Variants in PDZK1IP1 observed in about 807,000 individuals in gnomAD.
PDZK1IP1 encodes the protein PDZK1 interacting protein 1, also known as PDZK1-interacting protein 1.
A neutral mutation model predicts 14.7 loss-of-function variants in PDZK1IP1; 9 were observed. The ratio of observed to expected loss-of-function variants is 0.61; its 90% confidence interval spans 0.37 to 1.07. The LOEUF (loss-of-function observed/expected upper bound fraction) is 1.07. Ranked by LOEUF, PDZK1IP1 falls within the 50% of genes least tolerant of loss-of-function variation. The pLI is 0.01. For synonymous variants in PDZK1IP1, 70 were observed against 61.2 expected (o/e 1.14, Z -0.67); for missense variants, 152 against 148.7 (o/e 1.02, Z -0.11).
At position 47,189,950 on chromosome 1, in the gene PDZK1IP1, G is replaced by T; in HGVS notation, c.-18C>A. The T allele has an allele frequency of 6.3e-7, 1 of 1,576,104 alleles. No individual in the cohort carries two copies. The highest frequency in any genetic ancestry group is 8.5e-7 in the Non-Finnish European group (1 of 1,170,146). ...GCCGACATGGCTGCAGCAGCTCCTA[G>T]CCTTGCTTCTGGCCGCCGGTGTCTG... On this transcript the variant is annotated 5_prime_UTR_variant, in exon 1 of 4. Coordinates refer to ENST00000294338, the MANE Select transcript of PDZK1IP1 (RefSeq NM_005764.4).
chr1:47,184,874 A>G (rs765743948), intron 3 of PDZK1IP1, 128 bp downstream of exon 3: 5 of 719,432 alleles, frequency 6.9e-6, no homozygotes, highest in Admixed American at 4.2e-5. Context: ...CAAAGCCCCC[A>G]TTGCCTCACT....
At chr1:47,188,350 A>T (rs1645332340) in intron 1 of PDZK1IP1, among the ~76,000 whole-genome samples, 1 of 151,982 alleles carries the variant, frequency 6.6e-6, no homozygotes, top group Non-Finnish European at 1.5e-5. Flanking sequence ...GTCCCTCAAG[A>T]TTTTCCTGAA....
Position 47,185,025 on chromosome 1 carries a change from G to T in PDZK1IP1, c.249C>A (p.Tyr83Ter). Reference sequence around the variant, plus strand: ...ACCTGAAACTGGCCGCCATCGAAGAGTACCTTCCATCTGTTCCCACCAGGA... The same window carrying T: ...ACCTGAAACTGGCCGCCATCGAAGATTACCTTCCATCTGTTCCCACCAGGA... ...DGVLVGTDGR[Y>*]SSMAASFRSS... The change falls in exon 3 of 4, where the codon TAC becomes TAA. Residue 83 changes from tyrosine to a stop codon, truncating the protein, a stop_gained. Coordinates refer to ENST00000294338, the MANE Select transcript of PDZK1IP1 (RefSeq NM_005764.4). LOFTEE classifies it high-confidence loss of function. 6.2e-7 allele frequency: 1 copy of T among 1,613,320 alleles called. No individual in the cohort carries two copies. The highest frequency in any genetic ancestry group is 8.5e-7 in the Non-Finnish European group (1 of 1,179,828).
chr1:47,183,592 C>G lies in PDZK1IP1; in HGVS notation c.*379G>C. The G allele has an allele frequency of 8.9e-6, 2 of 223,570 alleles. No homozygotes were observed. Among genetic ancestry groups the G allele is most frequent in the Admixed American group, 5.2e-5 (1 of 19,300 alleles). The allele number at this position is 223,570 out of a possible 1,614,324, so 13.8% of individuals were successfully genotyped here. On this transcript the variant is annotated 3_prime_UTR_variant, in exon 4 of 4. Transcript: ENST00000294338. ...ATTCAGAAAGCAAGATGGGGACTCACTGGAAGCCTGAGGGGCTGTTGCTGA... is the reference window on the plus strand; with the variant it reads ...ATTCAGAAAGCAAGATGGGGACTCAGTGGAAGCCTGAGGGGCTGTTGCTGA...
chr1:47,188,910 C>A (rs1217235103), intron 1 of PDZK1IP1, among the ~76,000 whole-genome samples: 1 of 152,222 alleles, frequency 6.6e-6, no homozygotes, highest in African/African-American at 2.4e-5. Flanking sequence ...GGAGGCCCCT[C>A]CCTGTTTCCT....
intron 3 of PDZK1IP1, among the ~76,000 whole-genome samples, chr1:47,184,382 AT>A (rs66681495): frequency 0.97 from 12,656 of 12,992 alleles, 6,288 homozygotes; most frequent in Middle Eastern, 1. Flanking sequence ...CACTGAACCA[AT>A]TCCCCCATTA....
Position 47,185,193 on chromosome 1 carries a change from A to G in PDZK1IP1, c.177-96T>C, listed in dbSNP as rs777415187. 20 of 906,448 alleles carry G rather than the reference A, an allele frequency of 2.2e-5. No homozygotes were observed. In the South Asian group the frequency reaches 2.6e-4, roughly 12 times the overall value. 56.2% of individuals were successfully genotyped at this position (906,448 alleles called of 1,614,324 possible). On this transcript the variant is annotated intron_variant, in intron 2 of 3. Transcript: ENST00000294338. ...CCTGGTTCTCACAAGCCCGAAGGCT[A>G]GCAACTGCCCTTCCCAGAGCTGTGT...
At chr1:47,189,096 C>T (rs1463296870) in intron 1 of PDZK1IP1, among the ~76,000 whole-genome samples, 1 of 148,668 alleles carries the variant, frequency 6.7e-6, no homozygotes, top group African/African-American at 2.5e-5. Flanking sequence ...CCCCAGAGGG[C>T]TTCCAAGACC....
chr1:47,185,020 G>A lies in PDZK1IP1; in HGVS notation c.254C>T (p.Ser85Leu), dbSNP rs150391778. 6.2e-6 allele frequency: 10 copies of A among 1,613,228 alleles called. No individual in the cohort carries two copies. Among genetic ancestry groups the A allele is most frequent in the South Asian group, 1.1e-5 (1 of 91,076 alleles). Residue 85 changes from serine (S) to leucine (L), a missense_variant, in exon 3 of 4, where the codon TCG becomes TTG. Physicochemically the swap from Ser to Leu is moderately radical, Grantham distance 145 (BLOSUM62 -2). Coordinates refer to ENST00000294338, the MANE Select transcript of PDZK1IP1 (RefSeq NM_005764.4). ...ACCTCACCTGAAACTGGCCGCCATC[G>A]AAGAGTACCTTCCATCTGTTCCCAC... ...VLVGTDGRYS[S>L]MAASFRSSEH... is the part of the protein sequence containing the mutation.
In PDZK1IP1 at chr1:47,187,423, C is replaced by A; in HGVS notation, c.72G>T (p.Leu24=). ...AVPPASCQQG[L]GNLQPWMQGL... ...CCTGCATCCAGGGCTGAAGGTTCCC[C>A]AGGCCTAACAAAGGGAGAGGGGCTG... The change falls in exon 2 of 4, where the codon CTG becomes CTT. Residue 24 remains leucine, a synonymous_variant. Transcript: ENST00000294338. 1.2e-6 allele frequency: 2 copies of A among 1,612,392 alleles called. No individual in the cohort carries two copies. Among genetic ancestry groups the A allele is most frequent in the Non-Finnish European group, 1.7e-6 (2 of 1,179,584 alleles).
In PDZK1IP1 at chr1:47,183,644, C is replaced by A. The variant is rs1176391193; in HGVS notation, c.*327G>T. 2.8e-6 allele frequency: 1 copy of A among 351,144 alleles called. No individual in the cohort carries two copies. Among genetic ancestry groups the A allele is most frequent in the African/African-American group, 2.1e-5 (1 of 47,718 alleles). The allele number at this position is 351,144 out of a possible 1,614,324, so 21.8% of individuals were successfully genotyped here. ...CCTCAGCCCCAGAAATACAAAAAGT[C>A]TTTATTTCACAGAAATTAGGGCCAT... is the stretch of plus-strand genomic sequence containing the variant. On this transcript the variant is annotated 3_prime_UTR_variant, in exon 4 of 4. Coordinates refer to ENST00000294338, the MANE Select transcript of PDZK1IP1 (RefSeq NM_005764.4).
rs764105901 is a variant in PDZK1IP1 at position 47,185,075 on chromosome 1, T to G, written c.199A>C (p.Thr67Pro). 9.3e-6 allele frequency: 15 copies of G among 1,613,266 alleles called. 1 individual carries two copies. In the South Asian group the frequency reaches 1.5e-4, roughly 17 times the overall value. ...ACTCCATCTGCCTTGTTTCCGACGG[T>G]CAGGATCATGTGTGCAGGCTCCCTG... ...EEPEPAHMIL[T>P]VGNKADGVLV... Residue 67 changes from threonine (T) to proline (P), a missense_variant, in exon 3 of 4, where the codon ACC (threonine) becomes CCC (proline). Physicochemically the swap from Thr to Pro is conservative, Grantham distance 38. Coordinates refer to ENST00000294338, the MANE Select transcript of PDZK1IP1 (RefSeq NM_005764.4).
chr1:47,186,046 C>T (rs1305592309), intron 2 of PDZK1IP1, among the ~76,000 whole-genome samples: 1 of 152,158 alleles, frequency 6.6e-6, no homozygotes, highest in Non-Finnish European at 1.5e-5. Context: ...CATGGTGGCT[C>T]ACACCTGTAA....
In PDZK1IP1 at chr1:47,189,887, G is replaced by T. The variant is rs764384045; in HGVS notation, c.46C>A (p.Pro16Thr). 5 of 1,596,240 alleles carry T rather than the reference G, an allele frequency of 3.1e-6. No individual in the cohort carries two copies. In the East Asian group the frequency reaches 8.9e-5, roughly 29 times the overall value. ...LLILGLLTAV[P>T]PASCQQGLGN... Reference sequence around the variant, plus strand: ...CTACCTTGCTGACAGCTGGCAGGTGGCACTGCCGTGAGCAGGCCCAGAATG... The same window carrying T: ...CTACCTTGCTGACAGCTGGCAGGTGTCACTGCCGTGAGCAGGCCCAGAATG... The change falls in exon 1 of 4, where the codon CCA becomes ACA. Residue 16 changes from proline to threonine, a missense_variant. By Grantham distance (38) the Pro-to-Thr change is conservative (BLOSUM62 -1). Transcript: ENST00000294338.
intron 3 of PDZK1IP1, 59 bp downstream of exon 3, chr1:47,184,943 C>T: frequency 7.2e-7 from 1 of 1,383,718 alleles, no homozygotes; most frequent in Non-Finnish European, 1.0e-6. Flanking sequence ...CAGCACCTGT[C>T]TTGAGATTCT....
chr1:47,187,795 C>A (rs986731625), intron 1 of PDZK1IP1, among the ~76,000 whole-genome samples: 3 of 152,190 alleles, frequency 2.0e-5, no homozygotes, highest in African/African-American at 7.2e-5. Flanking sequence ...AGGGCAGCCC[C>A]CTGGACAGCC....
intron 1 of PDZK1IP1, 90 bp from the exon 2 acceptor site, chr1:47,187,517 C>T: frequency 9.6e-7 from 1 of 1,041,366 alleles, no homozygotes; most frequent in Non-Finnish European, 1.5e-6. Context: ...AAGGACCCCA[C>T]CTATGCTGAA....
chr1:47,185,507 CA>C (rs1056257748), intron 2 of PDZK1IP1, among the ~76,000 whole-genome samples: 1 of 152,094 alleles, frequency 6.6e-6, no homozygotes, highest in African/African-American at 2.4e-5. Context: ...CATTCAACAA[CA>C]ACCTTCTCGT....
In PDZK1IP1 at chr1:47,189,947, C is replaced by T; in HGVS notation, c.-15G>A. The T allele has an allele frequency of 6.3e-7, 1 of 1,578,418 alleles. No homozygotes were observed. The highest frequency in any genetic ancestry group is 8.5e-7 in the Non-Finnish European group (1 of 1,171,294). On this transcript the variant is annotated 5_prime_UTR_variant, in exon 1 of 4. Transcript: ENST00000294338. ...AGGGCCGACATGGCTGCAGCAGCTCCTAGCCTTGCTTCTGGCCGCCGGTGT... is the reference window on the plus strand; with the variant it reads ...AGGGCCGACATGGCTGCAGCAGCTCTTAGCCTTGCTTCTGGCCGCCGGTGT...
Sources: gnomAD v4.1 joint callset for allele counts (sites outside exome capture counted in the v4.1 genomes callset) on GRCh38, gnomAD v4.1.1 for gene constraint, MANE v1.5 for transcripts, NCBI Gene and HGNC (gene_info 2026-07-23, HGNC 2026-07-21) for gene names.